The following VTI1A variants were observed in gnomAD, a reference collection of about 807,000 sequenced individuals.
VTI1A encodes the protein vesicle transport through interaction with t-SNAREs homolog 1A.
In VTI1A, 22 loss-of-function variants were observed where a neutral mutation model predicts 34.9. The observed-to-expected ratio is 0.63, with a 90% CI of 0.45 to 0.90. VTI1A has a LOEUF of 0.90. VTI1A is among the 40% of genes least tolerant of loss of function. VTI1A has a pLI of 0.00. For missense variants in VTI1A, 268 were observed against 275.6 expected (o/e 0.97, Z 0.20); for synonymous variants, 87 against 97.3 (o/e 0.89, Z 0.62).
intron 7 of VTI1A, among the ~76,000 whole-genome samples, chr10:112,752,929 A>G (rs973054349): frequency 6.6e-6 from 1 of 152,096 alleles, no homozygotes; most frequent in African/African-American, 2.4e-5. Flanking sequence ...AGAGGTCTAT[A>G]ATTTGTGGAC....
At chr10:112,538,636 T>G (rs1398567294) in intron 5 of VTI1A, 1 of 251,630 alleles carries the variant, frequency 4.0e-6, no homozygotes, top group Non-Finnish European at 7.6e-6. Context: ...CCGCAATGAT[T>G]GCTAGCACAT....
At chr10:112,560,657 C>T (rs1851694987) in intron 5 of VTI1A, among the ~76,000 whole-genome samples, 1 of 146,056 alleles carries the variant, frequency 6.8e-6, no homozygotes, top group Non-Finnish European at 1.5e-5. Flanking sequence ...AGTGCAGTGG[C>T]ATGATCTCGG....
the VTI1A span, among the ~76,000 whole-genome samples, chr10:112,833,570 C>T: frequency 1.3e-5 from 2 of 152,178 alleles, no homozygotes; most frequent in Admixed American, 1.3e-4. Context: ...ATTAATGATA[C>T]TCTATGATCT....
At chr10:112,510,833 C>A (rs955806065) in intron 3 of VTI1A, among the ~76,000 whole-genome samples, 1 of 152,100 alleles carries the variant, frequency 6.6e-6, no homozygotes, top group African/African-American at 2.4e-5. Context: ...AAGTATGTTG[C>A]TAATTTAAAA....
intron 7 of VTI1A, among the ~76,000 whole-genome samples, chr10:112,757,453 G>A (rs1266845740): frequency 8.1e-6 from 1 of 124,122 alleles, no homozygotes; most frequent in East Asian, 2.8e-4. Context: ...TGCAACCTCC[G>A]CCTCCCAGCT....
At chr10:112,640,869 C>G (rs1485519978) in intron 5 of VTI1A, among the ~76,000 whole-genome samples, 2 of 152,104 alleles carry the variant, frequency 1.3e-5, no homozygotes, top group African/African-American at 2.4e-5. Context: ...AGAAACAGAT[C>G]TTGGCGTCAT....
rs72821896 is a variant in VTI1A, at chr10:112,579,163, A to G, written c.427+40833A>G. 8.3e-3 allele frequency among the ~76,000 whole-genome samples: 1,259 copies of G among 152,326 alleles called. 11 individuals carry two copies. The highest frequency in any genetic ancestry group is 0.013 in the Non-Finnish European group (898 of 68,026). ...TGATGCAGCATCAGGTGCAGAGGAC[A>G]TTGATGACTGTAAGTTGAAAAGTGA... On this transcript the variant is annotated intron_variant, in intron 5 of 7. Coordinates refer to ENST00000393077, the MANE Select transcript of VTI1A (RefSeq NM_145206.4).
Position 112,642,363 on chromosome 10 carries a change from C to A in VTI1A, c.428-25855C>A, listed in dbSNP as rs372741668. On this transcript the variant is annotated intron_variant, in intron 5 of 7. Coordinates refer to ENST00000393077, the MANE Select transcript of VTI1A (RefSeq NM_145206.4). ...CTGAGTTGTATTCCTCTGATCCCCC[C>A]CTCTCCATCAGTTCTATGGGTTATC... Among the ~76,000 whole-genome samples the A allele has an allele frequency of 5.9e-5, 9 of 152,274 alleles. No homozygotes were observed. In the East Asian group the frequency reaches 1.4e-3, roughly 23 times the overall value.
chr10:112,698,282 G>A (rs746289869), intron 7 of VTI1A, among the ~76,000 whole-genome samples: 1 of 152,124 alleles, frequency 6.6e-6, no homozygotes, highest in Non-Finnish European at 1.5e-5. Context: ...TGAGACTTGG[G>A]TAATATGTCA....
intron 5 of VTI1A, among the ~76,000 whole-genome samples, chr10:112,649,338 TC>T (rs1305539577): frequency 1.3e-5 from 2 of 152,218 alleles, no homozygotes; most frequent in African/African-American, 4.8e-5. Context: ...TGTTTTGGTA[TC>T]ATCTGGATTC....
At chr10:112,615,160 T>A (rs1845469467) in intron 5 of VTI1A, among the ~76,000 whole-genome samples, 1 of 152,228 alleles carries the variant, frequency 6.6e-6, no homozygotes, top group Admixed American at 6.5e-5. Flanking sequence ...TGATATTGAC[T>A]TTCTGGAAGA....
At chr10:112,458,335 T>G (rs1847609927) in intron 1 of VTI1A, among the ~76,000 whole-genome samples, 1 of 152,186 alleles carries the variant, frequency 6.6e-6, no homozygotes, top group African/African-American at 2.4e-5. Flanking sequence ...AAAAATGTAG[T>G]CTATTCTAAC....
chr10:112,827,519 G>A, the VTI1A span: 1 of 151,852 alleles, frequency 6.6e-6, no homozygotes, highest in African/African-American at 2.4e-5. Flanking sequence ...ACCTTCCCCA[G>A]AACCCTCACA....
intron 7 of VTI1A, among the ~76,000 whole-genome samples, chr10:112,756,413 C>T (rs10885381): frequency 0.35 from 52,520 of 151,986 alleles, 9,596 homozygotes; most frequent in East Asian, 0.53. Context: ...CAGGCTGGCT[C>T]CGACTACATG....
intron 5 of VTI1A, among the ~76,000 whole-genome samples, chr10:112,589,629 T>A (rs941107721): frequency 6.6e-6 from 1 of 152,214 alleles, no homozygotes; most frequent in Non-Finnish European, 1.5e-5. Context: ...TTGTTGAGCA[T>A]GCACTGTGTG....
chr10:112,545,994 GTGTATACGCGTATGTGTGTGTA>G (rs1851078291), intron 5 of VTI1A, among the ~76,000 whole-genome samples: 2 of 143,346 alleles, frequency 1.4e-5, no homozygotes, highest in East Asian at 4.0e-4. Context: ...GTGTATATAC[GTGTATACGCGTATGTGTGTGTA>G]TATACGTGTA....
chr10:112,595,232 A>G (rs1844578362), intron 5 of VTI1A, among the ~76,000 whole-genome samples: 3 of 143,098 alleles, frequency 2.1e-5, no homozygotes, highest in Admixed American at 7.0e-5. Context: ...AGGCATTACC[A>G]TTCAGGACAT....
intron 7 of VTI1A, among the ~76,000 whole-genome samples, chr10:112,721,940 GTGTT>G (rs1849822670): frequency 6.6e-6 from 1 of 152,138 alleles, no homozygotes; most frequent in African/African-American, 2.4e-5. Context: ...GGTGGGGAGT[GTGTT>G]TGTGGTGCTG....
At chr10:112,723,605 C>T (rs1253301702) in intron 7 of VTI1A, among the ~76,000 whole-genome samples, 1 of 152,118 alleles carries the variant, frequency 6.6e-6, no homozygotes, top group Non-Finnish European at 1.5e-5. Flanking sequence ...GATGGCCCAC[C>T]CTGCTGATCA....
Sources: allele counts gnomAD v4.1 joint callset (sites outside exome capture counted in the v4.1 genomes callset), GRCh38; gene constraint gnomAD v4.1.1; transcripts MANE v1.5; gene names NCBI Gene and HGNC (gene_info 2026-07-23, HGNC 2026-07-21).